Variants in NT5DC4 observed in about 807,000 individuals in gnomAD.
NT5DC4 encodes 5'-nucleotidase domain-containing protein 4.
Under a neutral mutation model 26.6 loss-of-function variants are expected in NT5DC4, and 44 were observed. The ratio of observed to expected loss-of-function variants is 1.65; its 90% CI spans 1.30 to 2.13. The LOEUF (loss-of-function observed/expected upper bound fraction) is 2.13, where lower values mean the gene tolerates loss of function less well. NT5DC4 is among the 30% of genes most tolerant of loss of function. NT5DC4 has a pLI of 0.00. For synonymous variants in NT5DC4, 157 were observed against 86.7 expected, an observed-to-expected ratio of 1.81 and a Z score of -4.51; for missense variants, 399 against 228.1, an observed-to-expected ratio of 1.75 and a Z score of -4.83.
intron 16 of NT5DC4, among the ~76,000 whole-genome samples, chr2:112,732,032 C>T (rs1678551945): frequency 1.3e-5 from 2 of 151,218 alleles, no homozygotes; most frequent in African/African-American, 4.9e-5. Context: ...CTGCCTCAAC[C>T]TCCGAGTAGT....
chr2:112,730,724 C>T (rs1459619905), intron 16 of NT5DC4, among the ~76,000 whole-genome samples: 4 of 152,180 alleles, frequency 2.6e-5, no homozygotes, highest in East Asian at 3.8e-4. Flanking sequence ...TTGTACCAGG[C>T]ACAGTGTTTG....
In NT5DC4 at chr2:112,726,269, G is replaced by A. The variant is rs1360678006; in HGVS notation, c.1185G>A (p.Thr395=). The change falls in exon 14 of 17, where the codon ACG becomes ACA. Residue 395 remains threonine, a synonymous_variant. Coordinates refer to ENST00000688554, the MANE Select transcript of NT5DC4 (RefSeq NM_001393655.1). The part of the protein sequence containing the change: ...ERLEELKRLD[T]HLADIYQHMD... ...TGGAGGAGCTGAAGAGACTGGACAC[G>A]CACCTGGCAGACATATACCAGTGAG... 2.8e-6 allele frequency: 2 copies of A among 717,140 alleles called. No individual in the cohort carries two copies. The highest frequency in any genetic ancestry group is 4.6e-4 in the Middle Eastern group (2 of 4,366). The allele number at this position is 717,140 out of a possible 1,614,324, so 44.4% of individuals were successfully genotyped here. A position where few individuals can be genotyped will look rare whatever the true frequency, so the allele number is the denominator to read the frequency against.
downstream of NT5DC4, among the ~76,000 whole-genome samples, chr2:112,741,388 C>T (rs17042319): frequency 0.033 from 4,990 of 152,322 alleles, 276 homozygotes; most frequent in African/African-American, 0.11. Flanking sequence ...CTAAGGTTAA[C>T]TCACACAACC....
At chr2:112,738,288 T>C (rs905820140) in intron 16 of NT5DC4, 8 of 152,960 alleles carry the variant, frequency 5.2e-5, no homozygotes, top group African/African-American at 1.9e-4. Context: ...AAGGATACTG[T>C]GATGAAAGTC....
chr2:112,742,808 A>C, downstream of NT5DC4: 1 of 1,468,042 alleles, frequency 6.8e-7, no homozygotes, highest in East Asian at 2.3e-5. Flanking sequence ...TCTTAAAAAC[A>C]TTCATGCAAA....
At chr2:112,729,790 G>A in intron 16 of NT5DC4, 86 bp downstream of exon 16, 1 of 702,848 alleles carries the variant, frequency 1.4e-6, no homozygotes, top group South Asian at 1.5e-5. Context: ...TCAACCCCAG[G>A]ACGCATGAGG....
downstream of NT5DC4, chr2:112,742,474 C>A (rs1415219929): frequency 2.8e-6 from 2 of 717,886 alleles, no homozygotes; most frequent in African/African-American, 1.7e-5. Context: ...TGGGACACTC[C>A]AGTCTAGGCT....
intron 4 of NT5DC4, 97 bp from the exon 5 acceptor site, chr2:112,722,386 G>A (rs1677011111): frequency 1.4e-6 from 1 of 712,470 alleles, no homozygotes; most frequent in Non-Finnish European, 2.6e-6. Flanking sequence ...CACGGTGGAG[G>A]CTCAGCACAG....
At position 112,722,738 on chromosome 2, in the gene NT5DC4, TG is replaced by T. The variant is rs1186774318; in HGVS notation, c.496del (p.Asp166ThrfsTer32). On this transcript the variant is annotated frameshift_variant, in exon 6 of 17. Transcript: ENST00000688554. LOFTEE classifies it high-confidence loss of function. ...LPETYLYACL[V>X]DFFSGCSRYT... ...GAAACCTACCTCTATGCCTGCTTGG[TG>T]GACTTCTTCTCTGGCTGCTCCCGTT... The T allele has an allele frequency of 1.4e-6, 1 of 717,678 alleles. No homozygotes were observed. The highest frequency in any genetic ancestry group is 2.0e-5 in the Admixed American group (1 of 50,004). The allele number at this position is 717,678 out of a possible 1,614,324, so 44.5% of individuals were successfully genotyped here. A position where few individuals can be genotyped will look rare whatever the true frequency, so the allele number is the denominator to read the frequency against.
downstream of NT5DC4, among the ~76,000 whole-genome samples, chr2:112,739,689 C>T (rs1034055848): frequency 3.9e-5 from 6 of 152,226 alleles, no homozygotes; most frequent in Non-Finnish European, 8.8e-5. Context: ...GGGTCTCACT[C>T]TGTTGCCCAG....
intron 3 of NT5DC4, 29 bp downstream of exon 3, chr2:112,722,132 A>G (rs560140238): frequency 2.1e-5 from 15 of 711,778 alleles, no homozygotes; most frequent in South Asian, 2.1e-4. Context: ...GTGGGAGGCC[A>G]CCCGGCCTTG....
rs182907485 is a variant in NT5DC4, at chr2:112,725,731, C to T, written c.1153+179C>T. On this transcript the variant is annotated intron_variant, in intron 13 of 16. Coordinates refer to ENST00000688554, the MANE Select transcript of NT5DC4 (RefSeq NM_001393655.1). ...ATACAGACCCAGAGAGGCTAAGCGGCCTGCCCGAAGTCACACAGCCAGTAG... is the reference window on the plus strand; with the variant it reads ...ATACAGACCCAGAGAGGCTAAGCGGTCTGCCCGAAGTCACACAGCCAGTAG... Among the ~76,000 whole-genome samples the T allele has an allele frequency of 5.8e-3, 876 of 152,270 alleles. 6 individuals carry two copies. The highest frequency in any genetic ancestry group is 0.02 in the African/African-American group (833 of 41,540).
chr2:112,722,945 C>T, intron 6 of NT5DC4, 136 bp from the exon 7 acceptor site: 1 of 640,304 alleles, frequency 1.6e-6, no homozygotes. Flanking sequence ...GGTGATGCCC[C>T]TCCCAGGATG....
rs1677765511 is a variant in NT5DC4 at position 112,726,659 on chromosome 2, C to T, written c.1206-19C>T. The T allele has an allele frequency of 1.4e-6, 1 of 717,490 alleles. No individual in the cohort carries two copies. Among genetic ancestry groups the T allele is most frequent in the South Asian group, 1.5e-5 (1 of 67,602 alleles). The allele number at this position is 717,490 out of a possible 1,614,324, so 44.4% of individuals were successfully genotyped here. ...AGGCTCTGTGCCTCCCCTGGGTCAC[C>T]TAGCTATTTTTGTACCAGGCACATG... On this transcript the variant is annotated intron_variant, in intron 14 of 16. Transcript: ENST00000688554.
downstream of NT5DC4, chr2:112,740,740 T>C: frequency 1.6e-6 from 2 of 1,215,622 alleles, no homozygotes; most frequent in Non-Finnish European, 2.4e-6. Flanking sequence ...TCAGTTACTC[T>C]AGATCTGTGA....
rs915329415 is a variant in NT5DC4, at chr2:112,727,028, G to C, written c.1266+290G>C. Reference sequence around the variant, plus strand: ...CTGCCCGGGAAGTGCCTGCGTGCTAGCTGGGCCCTTATTGACTGACTAGCC... The same window carrying C: ...CTGCCCGGGAAGTGCCTGCGTGCTACCTGGGCCCTTATTGACTGACTAGCC... On this transcript the variant is annotated intron_variant, in intron 15 of 16. Coordinates refer to ENST00000688554, the MANE Select transcript of NT5DC4 (RefSeq NM_001393655.1). 3 of 494,944 alleles carry C rather than the reference G, an allele frequency of 6.1e-6. No individual in the cohort carries two copies. In the South Asian group the frequency reaches 6.7e-5, roughly 11 times the overall value. The allele number at this position is 494,944 out of a possible 1,614,324, so 30.7% of individuals were successfully genotyped here.
At chr2:112,740,952 C>T (rs142651922), downstream of NT5DC4, 32 of 1,613,802 alleles carry the variant, frequency 2.0e-5, no homozygotes, top group African/African-American at 3.5e-4. Context: ...TCTTCTTGGC[C>T]AGCTCTTCCA....
chr2:112,719,303 T>A (rs1295887850), upstream of NT5DC4, among the ~76,000 whole-genome samples: 1 of 152,212 alleles, frequency 6.6e-6, no homozygotes, highest in Admixed American at 6.5e-5. Flanking sequence ...GGAACATCGT[T>A]CCGCAGCACA....
At chr2:112,735,081 T>C (rs1477644749) in intron 16 of NT5DC4, among the ~76,000 whole-genome samples, 2 of 136,838 alleles carry the variant, frequency 1.5e-5, no homozygotes, top group East Asian at 4.4e-4. Flanking sequence ...TCTTGCTCTG[T>C]CACCCAGGCT....
Sources: allele counts gnomAD v4.1 joint callset (sites outside exome capture counted in the v4.1 genomes callset), GRCh38; gene constraint gnomAD v4.1.1; transcripts MANE v1.5; gene names NCBI Gene and HGNC (gene_info 2026-07-23, HGNC 2026-07-21).